ATP8A2: variants seen among roughly 807,000 people sequenced by gnomAD.
ATP8A2 encodes the protein phospholipid-transporting ATPase IB.
Under a neutral mutation model 165.6 loss-of-function variants are expected in ATP8A2, and 100 were observed. The ratio of observed to expected loss-of-function variants is 0.60; its 90% CI spans 0.51 to 0.71. ATP8A2 has a LOEUF of 0.71. ATP8A2 is among the 30% of genes least tolerant of loss of function. The probability of loss-of-function intolerance (pLI) is 0.00; values close to 1 mark genes in which losing one functional copy is unlikely to be tolerated. For missense variants in ATP8A2, 1,227 were observed against 1,479.5 expected (o/e 0.83, Z 2.80); for synonymous variants, 543 against 548.8 (o/e 0.99, Z 0.15).
chr13:25,785,872 G>A (rs1314939568), intron 27 of ATP8A2, among the ~76,000 whole-genome samples: 1 of 152,296 alleles, frequency 6.6e-6, no homozygotes, highest in Non-Finnish European at 1.5e-5. Flanking sequence ...ACGGGAATTC[G>A]TGACGTATCA....
intron 33 of ATP8A2, among the ~76,000 whole-genome samples, chr13:25,952,363 C>G (rs533988370): frequency 6.8e-6 from 1 of 146,146 alleles, no homozygotes; most frequent in South Asian, 2.3e-4. Context: ...CTTCATCTGG[C>G]CATGGTATTT....
intron 25 of ATP8A2, among the ~76,000 whole-genome samples, chr13:25,740,588 A>C (rs562196547): frequency 6.6e-6 from 1 of 152,272 alleles, no homozygotes; most frequent in East Asian, 1.9e-4. Flanking sequence ...AACAAGGAGG[A>C]AGGAGAAGTT....
chr13:25,815,079 A>G (rs551006697), intron 27 of ATP8A2, among the ~76,000 whole-genome samples: 1 of 152,254 alleles, frequency 6.6e-6, no homozygotes, highest in African/African-American at 2.4e-5. Flanking sequence ...CCTAAACGTA[A>G]GACCTAAAAC....
At chr13:25,511,062 G>A (rs992793698) in intron 2 of ATP8A2, among the ~76,000 whole-genome samples, 6 of 152,102 alleles carry the variant, frequency 3.9e-5, no homozygotes, top group African/African-American at 1.4e-4. Context: ...TTAGAAATGT[G>A]GTTTTCTCTA....
At chr13:25,439,866 C>A (rs538328393) in intron 1 of ATP8A2, among the ~76,000 whole-genome samples, 1 of 151,832 alleles carries the variant, frequency 6.6e-6, no homozygotes, top group South Asian at 2.1e-4. Flanking sequence ...ATGATTGTGC[C>A]ACTGCACTCC....
Position 26,020,244 on chromosome 13 carries a change from A to G in ATP8A2, c.*259A>G, listed in dbSNP as rs776771822. 6.0e-5 allele frequency: 31 copies of G among 513,926 alleles called. No homozygotes were observed. The highest frequency in any genetic ancestry group is 8.7e-5 in the Non-Finnish European group (25 of 287,284). The allele number at this position is 513,926 out of a possible 1,614,324, so 31.8% of individuals were successfully genotyped here. A position where few individuals can be genotyped will look rare whatever the true frequency, so the allele number is the denominator to read the frequency against. On this transcript the variant is annotated 3_prime_UTR_variant, in exon 37 of 37. Transcript: ENST00000381655. ...TGTTTATGTCGTTATGAAGCATTCA[A>G]CTGTGCTCTGTGAGGTGTGAAATTA...
intron 1 of ATP8A2, among the ~76,000 whole-genome samples, chr13:25,410,567 A>C (rs955076813): frequency 1.3e-5 from 2 of 152,212 alleles, no homozygotes; most frequent in African/African-American, 4.8e-5. Context: ...AGCAGATCTT[A>C]TTAAATCAAC....
At chr13:25,605,026 T>C (rs2040480098) in intron 24 of ATP8A2, among the ~76,000 whole-genome samples, 1 of 152,224 alleles carries the variant, frequency 6.6e-6, no homozygotes, top group Non-Finnish European at 1.5e-5. Context: ...ATCATAAAGG[T>C]ATATCATGAA....
chr13:25,691,254 T>A (rs2137865388), intron 24 of ATP8A2, among the ~76,000 whole-genome samples: 1 of 152,336 alleles, frequency 6.6e-6, no homozygotes, highest in Non-Finnish European at 1.5e-5. Flanking sequence ...GTGTTCTGTA[T>A]CTTGATTGTG....
chr13:25,996,951 T>C (rs1956522697), intron 35 of ATP8A2, among the ~76,000 whole-genome samples: 1 of 152,226 alleles, frequency 6.6e-6, no homozygotes, highest in African/African-American at 2.4e-5. Flanking sequence ...CCCAAAATGC[T>C]GGGATTACAG....
chr13:25,643,511 G>A (rs2137581961), intron 24 of ATP8A2, among the ~76,000 whole-genome samples: 1 of 152,224 alleles, frequency 6.6e-6, no homozygotes, highest in African/African-American at 2.4e-5. Context: ...AGTTTTCACA[G>A]CACTATTTAT....
chr13:25,533,672 AG>A (rs1210273171), intron 6 of ATP8A2, among the ~76,000 whole-genome samples: 6 of 152,182 alleles, frequency 3.9e-5, no homozygotes, highest in African/African-American at 9.7e-5. Context: ...TTGGGTGGAA[AG>A]GTCATTAACT....
intron 35 of ATP8A2, among the ~76,000 whole-genome samples, chr13:25,999,979 G>A (rs898682926): frequency 5.9e-5 from 9 of 152,274 alleles, no homozygotes; most frequent in South Asian, 2.1e-4. Context: ...CTAAGGTAAA[G>A]TTTTAGATAA....
chr13:25,620,932 A>C (rs1475689977), intron 24 of ATP8A2, among the ~76,000 whole-genome samples: 1 of 152,182 alleles, frequency 6.6e-6, no homozygotes, highest in Non-Finnish European at 1.5e-5. Flanking sequence ...TTAAATAATA[A>C]GAAAAACCTC....
At chr13:25,545,061 A>G (rs1357716775) in intron 10 of ATP8A2, among the ~76,000 whole-genome samples, 3 of 151,880 alleles carry the variant, frequency 2.0e-5, no homozygotes, top group Non-Finnish European at 4.4e-5. Context: ...TACTCAAGGG[A>G]GGCGTGTCCT....
chr13:25,892,408 C>T (rs1953392975), intron 33 of ATP8A2, among the ~76,000 whole-genome samples: 1 of 151,038 alleles, frequency 6.6e-6, no homozygotes, highest in Non-Finnish European at 1.5e-5. Context: ...TTACTTGATG[C>T]CTGTGAAAAA....
intron 24 of ATP8A2, among the ~76,000 whole-genome samples, chr13:25,686,713 C>A (rs936983407): frequency 1.3e-5 from 2 of 152,168 alleles, no homozygotes; most frequent in Non-Finnish European, 2.9e-5. Flanking sequence ...CACTCAAATT[C>A]GCCATCAGGA....
At chr13:25,711,657 A>G (rs954842302) in intron 25 of ATP8A2, among the ~76,000 whole-genome samples, 3 of 152,196 alleles carry the variant, frequency 2.0e-5, no homozygotes, top group African/African-American at 7.2e-5. Flanking sequence ...TAATACTTCA[A>G]TTTAGCACAT....
intron 27 of ATP8A2, among the ~76,000 whole-genome samples, chr13:25,775,626 G>A (rs1413674840): frequency 2.0e-5 from 3 of 152,152 alleles, no homozygotes; most frequent in Admixed American, 2.0e-4. Context: ...GGAAGAAATG[G>A]AAAAGTCACT....
Sources: gnomAD v4.1 joint callset for allele counts (sites outside exome capture counted in the v4.1 genomes callset) on GRCh38, gnomAD v4.1.1 for gene constraint, MANE v1.5 for transcripts, NCBI Gene and HGNC (gene_info 2026-07-23, HGNC 2026-07-21) for gene names.